Variants in CACNB4 observed in about 807,000 individuals in gnomAD.
CACNB4 encodes voltage-dependent L-type calcium channel subunit beta-4.
A neutral mutation model predicts 71.2 loss-of-function variants in CACNB4; 32 were observed. The ratio of observed to expected loss-of-function variants is 0.45; its 90% CI spans 0.34 to 0.60. The LOEUF (loss-of-function observed/expected upper bound fraction) is 0.60. Ranked by LOEUF, CACNB4 falls within the 20% of genes least tolerant of loss-of-function variation. The pLI is 0.01. For missense variants in CACNB4, 464 were observed against 647.9 expected, an observed-to-expected ratio of 0.72 and a Z score of 3.08; for synonymous variants, 231 against 236.9, an observed-to-expected ratio of 0.97 and a Z score of 0.23.
At chr2:152,058,317 C>T (rs1209879362) in intron 2 of CACNB4, among the ~76,000 whole-genome samples, 2 of 152,158 alleles carry the variant, frequency 1.3e-5, no homozygotes, top group East Asian at 3.8e-4. Context: ...GTGGAAACAA[C>T]TTTGGAACTG....
chr2:151,954,611 TCA>T (rs965620654), intron 2 of CACNB4, among the ~76,000 whole-genome samples: 2 of 152,144 alleles, frequency 1.3e-5, no homozygotes, highest in African/African-American at 4.8e-5. Flanking sequence ...GCCTGAAAAG[TCA>T]CAGAGATTTC....
At chr2:151,921,715 AG>A (rs1348953309) in intron 2 of CACNB4, among the ~76,000 whole-genome samples, 2 of 151,464 alleles carry the variant, frequency 1.3e-5, no homozygotes. Flanking sequence ...GTGTTGGGGG[AG>A]GGTTCTGGTG....
At chr2:151,869,422 A>C in intron 8 of CACNB4, 187 bp from the exon 9 acceptor site, 1 of 532,824 alleles carries the variant, frequency 1.9e-6, no homozygotes, top group Non-Finnish European at 3.4e-6. Flanking sequence ...GCTAATTTCC[A>C]CCCCCCTTGG....
chr2:151,942,045 G>GGGAAAGGAATT lies in CACNB4; in HGVS notation c.148-58676_148-58675insAATTCCTTTCC, dbSNP rs1560037513. 7.7e-4 allele frequency among the ~76,000 whole-genome samples: 116 copies of GGGAAAGGAATT among 150,208 alleles called. 5 individuals are homozygous for GGGAAAGGAATT. The highest frequency in any genetic ancestry group is 2.7e-3 in the African/African-American group (107 of 39,510). On this transcript the variant is annotated intron_variant, in intron 2 of 13. Transcript: ENST00000539935. The stretch of plus-strand genomic sequence containing the variant: ...CTTTTCTAAGTCAGCTATAAGAAAT[G>GGGAAAGGAATT]CTATCTAGAACTCATCAAGACATTT...
At chr2:151,933,531 A>G (rs1379963608) in intron 2 of CACNB4, among the ~76,000 whole-genome samples, 4 of 152,098 alleles carry the variant, frequency 2.6e-5, no homozygotes, top group African/African-American at 7.2e-5. Context: ...CTGTGGCTCA[A>G]AAAGACCAAG....
At chr2:152,062,975 C>T (rs1193682313) in intron 2 of CACNB4, among the ~76,000 whole-genome samples, 1 of 152,156 alleles carries the variant, frequency 6.6e-6, no homozygotes, top group Non-Finnish European at 1.5e-5. Flanking sequence ...GACATCCACG[C>T]AGAGGAGGAT....
intron 2 of CACNB4, among the ~76,000 whole-genome samples, chr2:151,977,533 A>G (rs903834356): frequency 6.6e-6 from 1 of 152,226 alleles, no homozygotes; most frequent in Non-Finnish European, 1.5e-5. Context: ...GAGTGAACCC[A>G]TGAAATTGAC....
At chr2:151,911,621 T>C (rs558500517) in intron 2 of CACNB4, among the ~76,000 whole-genome samples, 1 of 152,230 alleles carries the variant, frequency 6.6e-6, no homozygotes, top group African/African-American at 2.4e-5. Flanking sequence ...ATCAGGGATA[T>C]TGGCCTGAAG....
At chr2:151,863,227 G>A (rs2099842201) in intron 9 of CACNB4, among the ~76,000 whole-genome samples, 1 of 152,076 alleles carries the variant, frequency 6.6e-6, no homozygotes, top group African/African-American at 2.4e-5. Flanking sequence ...CACCACACAT[G>A]GCTAATTTTT....
At chr2:151,972,676 C>T (rs1443360635) in intron 2 of CACNB4, 1 of 151,754 alleles carries the variant, frequency 6.6e-6, no homozygotes, top group East Asian at 1.9e-4. Flanking sequence ...TCTGCATTGA[C>T]GTATACCACA....
chr2:151,991,526 T>C (rs1416159283), intron 2 of CACNB4, among the ~76,000 whole-genome samples: 1 of 152,156 alleles, frequency 6.6e-6, no homozygotes, highest in African/African-American at 2.4e-5. Context: ...GGAGTAGCCA[T>C]TAGGTGACGA....
intron 2 of CACNB4, among the ~76,000 whole-genome samples, chr2:152,060,238 T>C (rs1000398285): frequency 1.3e-5 from 2 of 152,240 alleles, no homozygotes; most frequent in Non-Finnish European, 2.9e-5. Context: ...TTCATCTTTA[T>C]AGCCTTTGGT....
At chr2:151,905,728 G>A (rs937290649) in intron 2 of CACNB4, among the ~76,000 whole-genome samples, 6 of 152,190 alleles carry the variant, frequency 3.9e-5, no homozygotes, top group Admixed American at 2.6e-4. Context: ...GATGACCAGC[G>A]AGCTTGACAG....
At chr2:151,957,301 T>TGTGTGTGTGTGTGTGTCC (rs70974811) in intron 2 of CACNB4, among the ~76,000 whole-genome samples, 1 of 151,108 alleles carries the variant, frequency 6.6e-6, no homozygotes, top group African/African-American at 2.4e-5. Context: ...TGTGTGTGTG[T>TGTGTGTGTGTGTGTGTCC]CCCTTGGGAA....
At chr2:152,063,345 G>A (rs1420502228) in intron 2 of CACNB4, among the ~76,000 whole-genome samples, 3 of 152,196 alleles carry the variant, frequency 2.0e-5, no homozygotes, top group Non-Finnish European at 2.9e-5. Context: ...TTATTAGCCT[G>A]TTATTTTACA....
At chr2:151,952,811 G>A (rs897331498) in intron 2 of CACNB4, among the ~76,000 whole-genome samples, 3 of 152,162 alleles carry the variant, frequency 2.0e-5, no homozygotes, top group African/African-American at 2.4e-5. Context: ...TTCTGGCACC[G>A]TTACTCAAAA....
At chr2:152,040,691 T>C (rs1684829920) in intron 2 of CACNB4, among the ~76,000 whole-genome samples, 1 of 152,220 alleles carries the variant, frequency 6.6e-6, no homozygotes, top group Admixed American at 6.5e-5. Flanking sequence ...TACACTCGCC[T>C]CGGCCTCCCA....
chr2:151,872,299 A>G (rs2099844843), intron 6 of CACNB4, 118 bp downstream of exon 6: 1 of 652,984 alleles, frequency 1.5e-6, no homozygotes, highest in African/African-American at 1.9e-5. Flanking sequence ...TATTAATTAG[A>G]GAATCTTTAA....
intron 2 of CACNB4, among the ~76,000 whole-genome samples, chr2:152,071,425 T>C (rs149081588): frequency 6.6e-6 from 1 of 152,340 alleles, no homozygotes; most frequent in East Asian, 1.9e-4. Flanking sequence ...GGGCTATCAT[T>C]ATTTTGATAC....
Sources: allele counts gnomAD v4.1 joint callset (sites outside exome capture counted in the v4.1 genomes callset), GRCh38; gene constraint gnomAD v4.1.1; transcripts MANE v1.5; gene names NCBI Gene and HGNC (gene_info 2026-07-23, HGNC 2026-07-21).